The following NUCB2 variants were observed in gnomAD, a reference collection of about 807,000 sequenced individuals.
The protein encoded by NUCB2 is nucleobindin 2.
Under a neutral mutation model 57.9 loss-of-function variants are expected in NUCB2, and 48 were observed. The ratio of observed to expected loss-of-function variants is 0.83; its 90% CI spans 0.66 to 1.05. The LOEUF (loss-of-function observed/expected upper bound fraction) is 1.05, where lower values mean the gene tolerates loss of function less well. Ranked by LOEUF, NUCB2 falls within the 50% of genes least tolerant of loss-of-function variation. NUCB2 has a pLI of 0.00. For synonymous variants in NUCB2, 139 were observed against 152.1 expected, an observed-to-expected ratio of 0.91 and a Z score of 0.64; for missense variants, 442 against 476.2, an observed-to-expected ratio of 0.93 and a Z score of 0.67.
chr11:17,346,506 C>G (rs1173685364), intron 2 of NUCB2, among the ~76,000 whole-genome samples: 3 of 152,188 alleles, frequency 2.0e-5, no homozygotes, highest in Non-Finnish European at 4.4e-5. Flanking sequence ...GCCACACTCC[C>G]TACCCTTCAG....
In NUCB2 at chr11:17,311,870, A is replaced by C. The variant is rs755545628; in HGVS notation, c.761-2A>C. The stretch of plus-strand genomic sequence containing the variant: ...TTTGCATTTGTAACTTTTAAACTTT[A>C]GATGTCAATAGTGATGGATTCCTGG... On this transcript the variant is annotated splice_acceptor_variant, in intron 8 of 13. Coordinates refer to ENST00000529010, the MANE Select transcript of NUCB2 (RefSeq NM_005013.4). LOFTEE classifies it high-confidence loss of function. The C allele has an allele frequency of 6.4e-7, 1 of 1,564,906 alleles. No homozygotes were observed. The highest frequency in any genetic ancestry group is 1.2e-5 in the South Asian group (1 of 83,494).
chr11:17,278,963 C>T (rs146873713), intron 1 of NUCB2, among the ~76,000 whole-genome samples: 251 of 152,176 alleles, frequency 1.6e-3, no homozygotes, highest in East Asian at 0.011. Context: ...GAGGCTGAGG[C>T]GGGTGGATCA....
intron 2 of NUCB2, among the ~76,000 whole-genome samples, chr11:17,346,684 T>C (rs1052059917): frequency 1.3e-5 from 2 of 152,162 alleles, no homozygotes; most frequent in African/African-American, 4.8e-5. Flanking sequence ...TTTGCAAAAA[T>C]AGTATAAAGA....
In NUCB2 at chr11:17,332,173, A is replaced by C. The variant is rs1445596725; in HGVS notation, c.*754A>C. On this transcript the variant is annotated 3_prime_UTR_variant, in exon 14 of 14. Coordinates refer to ENST00000529010, the MANE Select transcript of NUCB2 (RefSeq NM_005013.4). ...TCCTCAGTGCATGATTTTTATCCTC[A>C]GATTACCTCACTCTCACTGTTCAAG... 1 of 152,124 alleles carries C rather than the reference A, an allele frequency of 6.6e-6. No homozygotes were observed. 9.4% of individuals were successfully genotyped at this position (152,124 alleles called of 1,614,324 possible). A position where few individuals can be genotyped will look rare whatever the true frequency, so the allele number is the denominator to read the frequency against.
At chr11:17,347,509 C>T (rs553669576) in intron 2 of NUCB2, among the ~76,000 whole-genome samples, 1 of 152,302 alleles carries the variant, frequency 6.6e-6, no homozygotes, top group South Asian at 2.1e-4. Context: ...TGATCCCTTA[C>T]CCTAAATATG....
In NUCB2 at chr11:17,330,426, T is replaced by A; in HGVS notation, c.1173+129T>A. 2.0e-6 allele frequency: 1 copy of A among 491,558 alleles called. No homozygotes were observed. Among genetic ancestry groups the A allele is most frequent in the Non-Finnish European group, 3.5e-6 (1 of 286,074 alleles). The allele number at this position is 491,558 out of a possible 1,614,324, so 30.4% of individuals were successfully genotyped here. On this transcript the variant is annotated intron_variant, in intron 12 of 13. Transcript: ENST00000529010. The surrounding 1 kb of genome is among the most constrained non-coding windows in gnomAD (Gnocchi z 4.3). The stretch of plus-strand genomic sequence containing the variant: ...ATAGCTATACTATAGTATTTTAAAT[T>A]TTAATACTTTAAAACTGTTTTGTGG...
intron 2 of NUCB2, among the ~76,000 whole-genome samples, chr11:17,293,284 G>C (rs569639152): frequency 5.6e-4 from 85 of 151,160 alleles, no homozygotes; most frequent in African/African-American, 2.1e-3. Flanking sequence ...ATGTTGTCAG[G>C]TGTTGTTAGG....
chr11:17,285,260 T>C (rs372067899), intron 2 of NUCB2, among the ~76,000 whole-genome samples: 16 of 151,606 alleles, frequency 1.1e-4, no homozygotes, highest in African/African-American at 3.6e-4. Context: ...ACCCCGTCTC[T>C]ACTAAAAACA....
chr11:17,280,031 G>T (rs898800264), intron 1 of NUCB2, among the ~76,000 whole-genome samples: 7 of 152,004 alleles, frequency 4.6e-5, no homozygotes, highest in South Asian at 2.1e-4. Flanking sequence ...AGGCTCAAGC[G>T]ATCTGCCTGT....
In NUCB2 at chr11:17,324,048, A is replaced by G. The variant is rs113156659; in HGVS notation, c.1003-6079A>G. ...TTTCATTGATCTTTTGTATCATTTC[A>G]TATTCATTTATTTCTGCTCTGATCT... On this transcript the variant is annotated intron_variant, in intron 11 of 13. Coordinates refer to ENST00000529010, the MANE Select transcript of NUCB2 (RefSeq NM_005013.4). Among the ~76,000 whole-genome samples, 364 of 152,128 alleles carry G rather than the reference A, an allele frequency of 2.4e-3. 4 individuals are homozygous for G. Among genetic ancestry groups the G allele is most frequent in the African/African-American group, 8.3e-3 (344 of 41,512 alleles).
chr11:17,306,294 A>G (rs1212917266), intron 5 of NUCB2, among the ~76,000 whole-genome samples: 2 of 152,190 alleles, frequency 1.3e-5, no homozygotes, highest in Non-Finnish European at 2.9e-5. Context: ...TTGCATGAGA[A>G]TCTCCTAGAA....
chr11:17,288,876 T>C (rs1944303190), intron 2 of NUCB2, among the ~76,000 whole-genome samples: 2 of 70,546 alleles, frequency 2.8e-5, no homozygotes, highest in South Asian at 1.0e-3. Context: ...TTTAATAACA[T>C]GTATATACAC....
rs1158145912 is a variant in NUCB2 at position 17,287,672 on chromosome 11, C to CAA, written c.-1+4748_-1+4749dup. The stretch of plus-strand genomic sequence containing the variant: ...TGGGCAACAGAGCAAAACTCCACCT[C>CAA]AAAAAAAAAAAAAAAAAAAAGATAC... On this transcript the variant is annotated intron_variant, in intron 2 of 13. Transcript: ENST00000529010. 2.7e-3 allele frequency among the ~76,000 whole-genome samples: 179 copies of CAA among 65,354 alleles called. 1 individual carries two copies. The South Asian group carries it at 0.057, about 21-fold the overall frequency. 42.9% of individuals were successfully genotyped at this position (65,354 alleles called of 152,430 possible).
chr11:17,315,668 T>C (rs1396894195), intron 11 of NUCB2, among the ~76,000 whole-genome samples, 193 bp downstream of exon 11: 1 of 152,194 alleles, frequency 6.6e-6, no homozygotes, highest in East Asian at 1.9e-4. Context: ...TTGTTTATAA[T>C]CATACTGCAT....
At chr11:17,304,029 T>G (rs1459267005) in intron 5 of NUCB2, among the ~76,000 whole-genome samples, 1 of 152,020 alleles carries the variant, frequency 6.6e-6, no homozygotes, top group Non-Finnish European at 1.5e-5. Context: ...CACGATAAGC[T>G]ATATCCAACT....
chr11:17,325,782 T>C (rs1026861902), intron 11 of NUCB2, among the ~76,000 whole-genome samples: 2 of 151,858 alleles, frequency 1.3e-5, no homozygotes, highest in African/African-American at 4.9e-5. Context: ...GTGAAGCTAA[T>C]TTTCTCTGGT....
At position 17,310,862 on chromosome 11, in the gene NUCB2, A is replaced by C. The variant is rs180735935; in HGVS notation, c.521A>C (p.His174Pro). The change falls in exon 7 of 14, where the codon CAT becomes CCT. Residue 174 changes from histidine to proline, a missense_variant. By Grantham distance (77) the His-to-Pro change is moderately conservative. Transcript: ENST00000529010. Reference protein sequence around the residue: ...SDLEHYDKTRHEEFKKYEMMK... With the variant: ...SDLEHYDKTRPEEFKKYEMMK... ...CTGGAACACTATGACAAGACTCGTCATGAAGAATTTAAAAAATATGAAATG... is the reference window on the plus strand; with the variant it reads ...CTGGAACACTATGACAAGACTCGTCCTGAAGAATTTAAAAAATATGAAATG... 4.8e-5 allele frequency: 76 copies of C among 1,592,342 alleles called. No homozygotes were observed. The Admixed American group carries it at 1.1e-3, about 24-fold the overall frequency.
intron 11 of NUCB2, chr11:17,317,549 A>G (rs1210655518): frequency 1.9e-5 from 8 of 421,864 alleles, no homozygotes; most frequent in Admixed American, 1.4e-4. Context: ...AAAATCCAAG[A>G]TGATACATTG....
intron 11 of NUCB2, among the ~76,000 whole-genome samples, chr11:17,323,017 C>T (rs1232412505): frequency 6.8e-6 from 1 of 147,912 alleles, no homozygotes; most frequent in Non-Finnish European, 1.5e-5. Flanking sequence ...AAGATTATAT[C>T]ATCTGCAAAC....
Sources: gnomAD v4.1 joint callset for allele counts (sites outside exome capture counted in the v4.1 genomes callset) on GRCh38, gnomAD v4.1.1 for gene constraint, Gnocchi (gnomAD v3.1) non-coding constraint, MANE v1.5 for transcripts, NCBI Gene and HGNC (gene_info 2026-07-23, HGNC 2026-07-21) for gene names.